The following TMEM178B variants were observed in gnomAD, a reference collection of about 807,000 sequenced individuals.
The protein encoded by TMEM178B is transmembrane protein 178B.
Under a neutral mutation model 31.0 loss-of-function variants are expected in TMEM178B, and 5 were observed. That is an observed-to-expected ratio of 0.16 (90% confidence interval 0.08 to 0.34). The LOEUF (loss-of-function observed/expected upper bound fraction) is 0.34, where lower values mean the gene tolerates loss of function less well. Ranked by LOEUF, TMEM178B falls within the 10% of genes least tolerant of loss-of-function variation. The pLI, the probability that TMEM178B is intolerant of heterozygous loss-of-function variation, is 1.00. For synonymous variants in TMEM178B, 164 were observed against 164.0 expected, an observed-to-expected ratio of 1.00 and a Z score of 0.00; for missense variants, 275 against 400.3, an observed-to-expected ratio of 0.69 and a Z score of 2.67.
chr7:141,198,754 C>G (rs1176153748), intron 1 of TMEM178B, among the ~76,000 whole-genome samples: 1 of 152,190 alleles, frequency 6.6e-6, no homozygotes, highest in Admixed American at 6.5e-5. Flanking sequence ...CAGATCTGGT[C>G]TCCTTCTCGC....
chr7:141,075,691 T>G (rs1459205448), intron 1 of TMEM178B, among the ~76,000 whole-genome samples: 1 of 152,204 alleles, frequency 6.6e-6, no homozygotes, highest in Non-Finnish European at 1.5e-5. Context: ...ATTTTATGAG[T>G]CTGGTTTTTT....
At chr7:141,110,256 C>T (rs1385525423) in intron 1 of TMEM178B, among the ~76,000 whole-genome samples, 1 of 152,140 alleles carries the variant, frequency 6.6e-6, no homozygotes, top group African/African-American at 2.4e-5. Flanking sequence ...TGGAACAAGA[C>T]AAAGCCCCTT....
intron 3 of TMEM178B, among the ~76,000 whole-genome samples, chr7:141,454,794 A>G (rs1441161435): frequency 6.6e-6 from 1 of 152,174 alleles, no homozygotes; most frequent in Non-Finnish European, 1.5e-5. Flanking sequence ...CTTGTCAGTA[A>G]CAGAGCTGGT....
At chr7:141,466,033 A>G (rs1802143299) in intron 3 of TMEM178B, among the ~76,000 whole-genome samples, 1 of 152,190 alleles carries the variant, frequency 6.6e-6, no homozygotes, top group African/African-American at 2.4e-5. Context: ...AAAAATGTGT[A>G]TATTAAAAAC....
chr7:141,328,682 T>C (rs1463223030), intron 2 of TMEM178B, among the ~76,000 whole-genome samples: 1 of 152,220 alleles, frequency 6.6e-6, no homozygotes, highest in African/African-American at 2.4e-5. Context: ...TTGAAGCTGT[T>C]GTCACAAATC....
intron 1 of TMEM178B, among the ~76,000 whole-genome samples, chr7:141,203,827 T>C (rs1796918423): frequency 6.6e-6 from 1 of 152,130 alleles, no homozygotes; most frequent in Admixed American, 6.5e-5. Context: ...CGGCATTGAA[T>C]AGATTTTTGT....
At position 141,177,799 on chromosome 7, in the gene TMEM178B, T is replaced by C. The variant is rs548299622; in HGVS notation, c.383-34792T>C. Among the ~76,000 whole-genome samples, 3 of 152,336 alleles carry C rather than the reference T, an allele frequency of 2.0e-5. No homozygotes were observed. In the South Asian group the frequency reaches 6.2e-4, roughly 32 times the overall value. On this transcript the variant is annotated intron_variant, in intron 1 of 3. Coordinates refer to ENST00000565468, the MANE Select transcript of TMEM178B (RefSeq NM_001195278.2). ...TTTTGCTTTCCATTTTCTTGGTAAA[T>C]ATTCCTTCATCCCATTATTTTGAGC... is the stretch of plus-strand genomic sequence containing the variant.
intron 2 of TMEM178B, among the ~76,000 whole-genome samples, chr7:141,373,274 G>C (rs1263074833): frequency 6.6e-6 from 1 of 152,182 alleles, no homozygotes; most frequent in African/African-American, 2.4e-5. Flanking sequence ...GTGAGAGAAA[G>C]GTTACAGATG....
intron 1 of TMEM178B, among the ~76,000 whole-genome samples, chr7:141,209,047 G>A (rs113343679): frequency 3.3e-5 from 5 of 152,178 alleles, no homozygotes; most frequent in African/African-American, 1.2e-4. Context: ...CCTCCAGCAG[G>A]GTGCAAGCCT....
intron 2 of TMEM178B, among the ~76,000 whole-genome samples, chr7:141,364,388 C>T (rs1300894318): frequency 6.6e-6 from 1 of 152,072 alleles, no homozygotes; most frequent in Non-Finnish European, 1.5e-5. Flanking sequence ...GGGCTGGGCA[C>T]GGTGGCTCAC....
chr7:141,270,550 G>A (rs958037450), intron 2 of TMEM178B, among the ~76,000 whole-genome samples: 2 of 152,158 alleles, frequency 1.3e-5, no homozygotes, highest in African/African-American at 4.8e-5. Context: ...ACCAAGAGTT[G>A]TTTCACTACC....
intron 2 of TMEM178B, among the ~76,000 whole-genome samples, chr7:141,269,176 C>T (rs1270024476): frequency 2.0e-5 from 3 of 150,826 alleles, no homozygotes; most frequent in African/African-American, 4.9e-5. Flanking sequence ...CAGTAACCTA[C>T]ACCTCCCGGG....
chr7:141,315,641 AT>A (rs1178162285), intron 2 of TMEM178B, among the ~76,000 whole-genome samples: 1 of 151,996 alleles, frequency 6.6e-6, no homozygotes, highest in African/African-American at 2.4e-5. Context: ...TTGGATTTAG[AT>A]TTTTTTCCCT....
At chr7:141,383,164 C>CT (rs891921673) in intron 2 of TMEM178B, among the ~76,000 whole-genome samples, 16 of 104,322 alleles carry the variant, frequency 1.5e-4, no homozygotes, top group East Asian at 4.1e-4. Flanking sequence ...TTCTTTCTTT[C>CT]TTTTTTTTTA....
intron 2 of TMEM178B, among the ~76,000 whole-genome samples, chr7:141,364,552 C>T (rs1454416063): frequency 5.4e-5 from 8 of 147,680 alleles, no homozygotes; most frequent in African/African-American, 1.5e-4. Context: ...CCCAGCTACT[C>T]GGGAGGCTGA....
In TMEM178B at chr7:141,422,824, C is replaced by T. The variant is rs1212236041; in HGVS notation, c.497-14784C>T. 6.6e-6 allele frequency among the ~76,000 whole-genome samples: 1 copy of T among 152,110 alleles called. No homozygotes were observed. The highest frequency in any genetic ancestry group is 1.5e-5 in the Non-Finnish European group (1 of 68,032). On this transcript the variant is annotated intron_variant, in intron 2 of 3. Transcript: ENST00000565468. The surrounding 1 kb of genome is among the most constrained non-coding windows in gnomAD (Gnocchi z 4.2). ...CTCACCAACCTTCTGCGTCCATCTCCTGGTCTCTTGTTATATGTAAACTGA... is the reference window on the plus strand; with the variant it reads ...CTCACCAACCTTCTGCGTCCATCTCTTGGTCTCTTGTTATATGTAAACTGA...
intron 1 of TMEM178B, chr7:141,173,345 T>C (rs1297666363): frequency 1.3e-5 from 2 of 152,228 alleles, no homozygotes; most frequent in Non-Finnish European, 2.9e-5. Context: ...TGACACAAAG[T>C]AGATGCTCAG....
At chr7:141,436,925 G>A (rs545356227) in intron 2 of TMEM178B, among the ~76,000 whole-genome samples, 17 of 152,302 alleles carry the variant, frequency 1.1e-4, no homozygotes, top group South Asian at 2.1e-4. Context: ...GTAAGTGCAA[G>A]AAAGGGGTCT....
the TMEM178B span, among the ~76,000 whole-genome samples, chr7:141,488,956 GAGA>G: frequency 6.6e-6 from 1 of 152,006 alleles, no homozygotes; most frequent in African/African-American, 2.4e-5. Flanking sequence ...GGAGGAGAAA[GAGA>G]AGGAGGAGGG....
Sources: gnomAD v4.1 joint callset for allele counts (sites outside exome capture counted in the v4.1 genomes callset) on GRCh38, gnomAD v4.1.1 for gene constraint, Gnocchi (gnomAD v3.1) non-coding constraint, MANE v1.5 for transcripts, NCBI Gene and HGNC (gene_info 2026-07-23, HGNC 2026-07-21) for gene names.